Variants in GFRA2 observed in about 807,000 individuals in gnomAD.
The protein encoded by GFRA2 is GDNF family receptor alpha-2.
Under a neutral mutation model 48.3 loss-of-function variants are expected in GFRA2, and 17 were observed. The ratio of observed to expected loss-of-function variants is 0.35; its 90% CI spans 0.24 to 0.53. The LOEUF (loss-of-function observed/expected upper bound fraction) is 0.53. Ranked by LOEUF, GFRA2 falls within the 20% of genes least tolerant of loss-of-function variation. The pLI, the probability that GFRA2 is intolerant of heterozygous loss-of-function variation, is 0.93. For missense variants in GFRA2, 660 were observed against 637.3 expected (o/e 1.04, Z -0.38); for synonymous variants, 305 against 257.2 (o/e 1.19, Z -1.78).
At position 21,693,394 on chromosome 8, in the gene GFRA2, T is replaced by C. The variant is rs780590052; in HGVS notation, c.1279A>G (p.Thr427Ala). 7 of 1,608,930 alleles carry C rather than the reference T, an allele frequency of 4.4e-6. No homozygotes were observed. The highest frequency in any genetic ancestry group is 5.9e-6 in the Non-Finnish European group (7 of 1,177,236). Reference protein sequence around the residue: ...ELSMCFTELTTNIIPGSNKVI... With the variant: ...ELSMCFTELTANIIPGSNKVI... ...TTGTTACTCCCTGGGATGATATTTG[T>C]CGTGAGCTGAGTCCGCAGCAGGAGA... Residue 427 changes from threonine (T) to alanine (A), a missense_variant, in exon 9 of 9, where the codon ACA becomes GCA. Coordinates refer to ENST00000524240, the MANE Select transcript of GFRA2 (RefSeq NM_001495.5).
At chr8:21,724,382 C>CGCTGGAATG in intron 4 of GFRA2, among the ~76,000 whole-genome samples, 1 of 152,172 alleles carries the variant, frequency 6.6e-6, no homozygotes, top group African/African-American at 2.4e-5. Context: ...AGTATTGCCA[C>CGCTGGAATG]GCTGGAATGG....
At chr8:21,754,646 T>C (rs998202210) in intron 3 of GFRA2, among the ~76,000 whole-genome samples, 5 of 151,982 alleles carry the variant, frequency 3.3e-5, no homozygotes, top group African/African-American at 1.2e-4. Flanking sequence ...GTAGCTTGGA[T>C]TACACGGACC....
intron 4 of GFRA2, among the ~76,000 whole-genome samples, chr8:21,747,839 T>G (rs988467472): frequency 1.4e-5 from 2 of 148,130 alleles, no homozygotes; most frequent in African/African-American, 5.0e-5. Flanking sequence ...CACACAGGCA[T>G]ACACATACAC....
chr8:21,721,037 G>C (rs148544053), intron 4 of GFRA2, among the ~76,000 whole-genome samples: 3 of 151,556 alleles, frequency 2.0e-5, no homozygotes, highest in Non-Finnish European at 4.4e-5. Flanking sequence ...GGGAAGGGAG[G>C]GGAGGGAAGG....
At chr8:21,761,556 T>C (rs1805911783) in intron 3 of GFRA2, among the ~76,000 whole-genome samples, 1 of 152,214 alleles carries the variant, frequency 6.6e-6, no homozygotes, top group Non-Finnish European at 1.5e-5. Context: ...CTACCTGCCT[T>C]ACACAGAGGA....
At chr8:21,786,105 G>A (rs1378474826) in intron 1 of GFRA2, among the ~76,000 whole-genome samples, 3 of 152,198 alleles carry the variant, frequency 2.0e-5, no homozygotes, top group South Asian at 4.1e-4. Flanking sequence ...AGGGGATGCT[G>A]AGCCTGCTGC....
At chr8:21,704,717 C>A (rs1420202363) in intron 6 of GFRA2, among the ~76,000 whole-genome samples, 1 of 152,206 alleles carries the variant, frequency 6.6e-6, no homozygotes, top group Non-Finnish European at 1.5e-5. Context: ...AGGAAACTGG[C>A]TGAAGCTGTC....
chr8:21,695,899 G>C (rs1456795061), intron 7 of GFRA2, among the ~76,000 whole-genome samples: 1 of 152,064 alleles, frequency 6.6e-6, no homozygotes, highest in Non-Finnish European at 1.5e-5. Flanking sequence ...CTGTGCCTGT[G>C]GCCTGACACC....
intron 4 of GFRA2, among the ~76,000 whole-genome samples, chr8:21,706,867 C>T (rs184153591): frequency 6.6e-6 from 1 of 152,344 alleles, no homozygotes; most frequent in African/African-American, 2.4e-5. Flanking sequence ...TGGAAGGTTC[C>T]ATGGAACATG....
At position 21,713,622 on chromosome 8, in the gene GFRA2, T is replaced by C. The variant is rs143259958; in HGVS notation, c.795-7581A>G. Among the ~76,000 whole-genome samples the C allele has an allele frequency of 1.5e-3, 223 of 152,198 alleles. 6 individuals carry two copies. The East Asian group carries it at 0.037, about 26-fold the overall frequency. On this transcript the variant is annotated intron_variant, in intron 4 of 8. Transcript: ENST00000524240. ...TGCGTGGGTACAGGTGGACTTTCTA[T>C]AGGTCACTGGTTCTCAAAGTGTGGT... is the stretch of plus-strand genomic sequence containing the variant.
chr8:21,749,232 C>T (rs932670724), intron 4 of GFRA2, among the ~76,000 whole-genome samples: 9 of 151,260 alleles, frequency 6.0e-5, no homozygotes, highest in Non-Finnish European at 1.2e-4. Flanking sequence ...ACCCGCCCCT[C>T]CCCCTGCAAA....
intron 2 of GFRA2, among the ~76,000 whole-genome samples, chr8:21,777,570 A>G (rs1302207609): frequency 6.6e-6 from 1 of 152,198 alleles, no homozygotes; most frequent in Non-Finnish European, 1.5e-5. Context: ...GGAATGGAAG[A>G]AGGCTTTGCT....
chr8:21,767,477 A>T (rs1299668507), intron 3 of GFRA2, among the ~76,000 whole-genome samples: 1 of 152,210 alleles, frequency 6.6e-6, no homozygotes, highest in Non-Finnish European at 1.5e-5. Context: ...CATGGGTGGG[A>T]GGGGAATGCC....
In GFRA2 at chr8:21,693,347, G is replaced by C. The variant is rs751163714; in HGVS notation, c.1326C>G (p.Gly442=). Residue 442 remains glycine, a synonymous_variant, in exon 9 of 9, where the codon GGC becomes GGG. Coordinates refer to ENST00000524240, the MANE Select transcript of GFRA2 (RefSeq NM_001495.5). Reference sequence around the variant, plus strand: ...CAGCCGACGGTCTGGCTCTGCTGGGGCCTGAGTTAGGTTTGATCACCTTGT... The same window carrying C: ...CAGCCGACGGTCTGGCTCTGCTGGGCCCTGAGTTAGGTTTGATCACCTTGT... ...GSNKVIKPNS[G]PSRARPSAAL... is the part of the protein sequence containing the mutation. 30 of 1,613,164 alleles carry C rather than the reference G, an allele frequency of 1.9e-5. 1 individual carries two copies. The South Asian group carries it at 2.3e-4, about 12-fold the overall frequency.
intron 4 of GFRA2, among the ~76,000 whole-genome samples, chr8:21,729,836 G>A (rs960192382): frequency 2.0e-5 from 3 of 152,156 alleles, no homozygotes; most frequent in Non-Finnish European, 4.4e-5. Context: ...TGAGAATTAA[G>A]GGACCACATC....
chr8:21,703,037 C>T (rs765896701), intron 6 of GFRA2, 60 bp from the exon 7 acceptor site: 202 of 1,102,562 alleles, frequency 1.8e-4, no homozygotes, highest in Non-Finnish European at 2.3e-4. Flanking sequence ...CACTCCTGTC[C>T]CTGCTCCTCA....
intron 2 of GFRA2, among the ~76,000 whole-genome samples, chr8:21,801,040 T>C (rs1807761287): frequency 3.3e-5 from 5 of 152,210 alleles, no homozygotes; most frequent in South Asian, 4.2e-4. Context: ...AGGAGACCTA[T>C]TGTGCCAAGA....
At chr8:21,757,445 T>C (rs1268314854) in intron 3 of GFRA2, among the ~76,000 whole-genome samples, 1 of 152,164 alleles carries the variant, frequency 6.6e-6, no homozygotes, top group African/African-American at 2.4e-5. Flanking sequence ...CTCGTTTTGG[T>C]CATATTAACA....
chr8:21,719,390 T>G (rs897790257), intron 4 of GFRA2, among the ~76,000 whole-genome samples: 3 of 152,136 alleles, frequency 2.0e-5, no homozygotes, highest in Non-Finnish European at 4.4e-5. Flanking sequence ...TCCCCTTCTC[T>G]CCACTTCTCT....
Sources: gnomAD v4.1 joint callset for allele counts (sites outside exome capture counted in the v4.1 genomes callset) on GRCh38, gnomAD v4.1.1 for gene constraint, MANE v1.5 for transcripts, NCBI Gene and HGNC (gene_info 2026-07-23, HGNC 2026-07-21) for gene names.